FAT3: variants seen among roughly 807,000 people sequenced by gnomAD.
FAT3 encodes the protein protocadherin Fat 3.
In FAT3, 95 loss-of-function variants were observed where a neutral mutation model predicts 310.2. The ratio of observed to expected loss-of-function variants is 0.31; its 90% CI spans 0.26 to 0.36. FAT3 has a LOEUF of 0.36. Among genes scored for constraint, FAT3 ranks in the 10% least tolerant of loss-of-function variants. FAT3 has a pLI of 1.00. For synonymous variants in FAT3, 2,314 were observed against 2,192.9 expected (o/e 1.06, Z -1.54); for missense variants, 5,408 against 5,715.6 (o/e 0.95, Z 1.74).
intron 4 of FAT3, among the ~76,000 whole-genome samples, chr11:92,722,883 G>A (rs1347353873): frequency 6.6e-6 from 1 of 152,148 alleles, no homozygotes; most frequent in East Asian, 1.9e-4. Flanking sequence ...AAGTCCCTAG[G>A]CTGCACACAG....
At chr11:92,381,351 TA>T (rs1212187526) in intron 2 of FAT3, among the ~76,000 whole-genome samples, 1 of 152,002 alleles carries the variant, frequency 6.6e-6, no homozygotes, top group African/African-American at 2.4e-5. Flanking sequence ...CTGTCTCTCC[TA>T]AAATACAAAA....
intron 2 of FAT3, among the ~76,000 whole-genome samples, chr11:92,483,709 T>C (rs1952298092): frequency 1.6e-5 from 2 of 122,394 alleles, no homozygotes; most frequent in Admixed American, 9.4e-5. Context: ...TACAATGATA[T>C]GCGTGTAAGG....
chr11:92,407,469 T>C (rs751622596), intron 2 of FAT3, among the ~76,000 whole-genome samples: 3 of 152,212 alleles, frequency 2.0e-5, no homozygotes, highest in Non-Finnish European at 4.4e-5. Context: ...ATATTAAGAA[T>C]GAATTTTCTA....
At chr11:92,339,802 G>A (rs917908717) in intron 1 of FAT3, among the ~76,000 whole-genome samples, 9 of 152,056 alleles carry the variant, frequency 5.9e-5, no homozygotes, top group African/African-American at 1.9e-4. Context: ...AGCAGAGAGT[G>A]GTTTGAGATA....
intron 1 of FAT3, among the ~76,000 whole-genome samples, chr11:92,306,588 A>G (rs1947127944): frequency 8.0e-6 from 1 of 125,166 alleles, no homozygotes; most frequent in African/African-American, 3.1e-5. Context: ...ATATATTTAT[A>G]TTATATATAT....
chr11:92,619,224 G>T (rs904751928), intron 3 of FAT3, among the ~76,000 whole-genome samples: 2 of 152,010 alleles, frequency 1.3e-5, no homozygotes, highest in South Asian at 4.1e-4. Flanking sequence ...TTTATTCTTT[G>T]CTGGATTCAG....
intron 2 of FAT3, among the ~76,000 whole-genome samples, chr11:92,363,510 T>C (rs540231496): frequency 6.6e-6 from 1 of 152,346 alleles, no homozygotes; most frequent in South Asian, 2.1e-4. Context: ...TCCAACTTCT[T>C]TTTCCCAAAC....
intron 3 of FAT3, among the ~76,000 whole-genome samples, chr11:92,662,899 A>C (rs1942835464): frequency 6.6e-6 from 1 of 152,206 alleles, no homozygotes; most frequent in Admixed American, 6.5e-5. Context: ...AGAATGTTGT[A>C]TGCTGTAAGC....
intron 3 of FAT3, among the ~76,000 whole-genome samples, chr11:92,602,192 G>A (rs1252301429): frequency 2.0e-5 from 3 of 152,018 alleles, no homozygotes; most frequent in Non-Finnish European, 4.4e-5. Flanking sequence ...TCCTGCCTCA[G>A]CCTCCTGAGT....
At chr11:92,225,234 T>G (rs377532711) in intron 1 of FAT3, among the ~76,000 whole-genome samples, 60 bp downstream of exon 1, 378 of 152,268 alleles carry the variant, frequency 2.5e-3, no homozygotes, top group Non-Finnish European at 4.4e-3. Flanking sequence ...GGAGCGCGCC[T>G]GCCGGAGCAC....
At chr11:92,681,072 C>A (rs1332020594) in intron 3 of FAT3, among the ~76,000 whole-genome samples, 1 of 152,224 alleles carries the variant, frequency 6.6e-6, no homozygotes, top group Admixed American at 6.5e-5. Flanking sequence ...GACATTCATT[C>A]TTTCATTCAA....
At chr11:92,495,807 T>C (rs1294094868) in intron 2 of FAT3, among the ~76,000 whole-genome samples, 2 of 152,056 alleles carry the variant, frequency 1.3e-5, no homozygotes, top group Non-Finnish European at 2.9e-5. Flanking sequence ...GTACTGTTTT[T>C]TCAGACCCTT....
chr11:92,849,220 A>AT (rs1290572607), intron 19 of FAT3, among the ~76,000 whole-genome samples: 1 of 152,182 alleles, frequency 6.6e-6, no homozygotes, highest in Non-Finnish European at 1.5e-5. Flanking sequence ...TATTCAAAGC[A>AT]TTTTTTAACC....
intron 4 of FAT3, among the ~76,000 whole-genome samples, chr11:92,735,915 A>G (rs1340732614): frequency 6.6e-6 from 1 of 152,072 alleles, no homozygotes; most frequent in Non-Finnish European, 1.5e-5. Context: ...CATCTCTGTG[A>G]GGTAGATATT....
At chr11:92,722,548 C>A (rs1944891755) in intron 4 of FAT3, among the ~76,000 whole-genome samples, 1 of 152,210 alleles carries the variant, frequency 6.6e-6, no homozygotes, top group Non-Finnish European at 1.5e-5. Context: ...TGGCCCTCTT[C>A]TCACAGCTCC....
At chr11:92,839,767 C>T (rs1384131789) in intron 17 of FAT3, among the ~76,000 whole-genome samples, 1 of 152,176 alleles carries the variant, frequency 6.6e-6, no homozygotes, top group Non-Finnish European at 1.5e-5. Context: ...GGGGAAAGGA[C>T]AGCAATACCT....
chr11:92,734,105 T>A (rs1339559815), intron 4 of FAT3, among the ~76,000 whole-genome samples: 1 of 152,198 alleles, frequency 6.6e-6, no homozygotes, highest in Non-Finnish European at 1.5e-5. Flanking sequence ...TCTCTGAGTA[T>A]CTGATGTTTT....
intron 19 of FAT3, 123 bp from the exon 20 acceptor site, chr11:92,857,091 C>A: frequency 7.0e-7 from 1 of 1,422,884 alleles, no homozygotes; most frequent in Non-Finnish European, 9.8e-7. Flanking sequence ...TGACTCAGCT[C>A]AGAGCCCACA....
At chr11:92,671,364 GT>G (rs1486682377) in intron 3 of FAT3, among the ~76,000 whole-genome samples, 2 of 151,930 alleles carry the variant, frequency 1.3e-5, no homozygotes, top group Non-Finnish European at 2.9e-5. Context: ...CCTTCTTTCC[GT>G]TTCACTAGTT....
Sources: gnomAD v4.1 joint callset for allele counts (sites outside exome capture counted in the v4.1 genomes callset) on GRCh38, gnomAD v4.1.1 for gene constraint, MANE v1.5 for transcripts, NCBI Gene and HGNC (gene_info 2026-07-23, HGNC 2026-07-21) for gene names.